Variants in CTNNA2 observed in about 807,000 individuals in gnomAD.
CTNNA2 encodes catenin alpha 2.
Under a neutral mutation model 101.0 loss-of-function variants are expected in CTNNA2, and 42 were observed. The ratio of observed to expected loss-of-function variants is 0.42; its 90% CI spans 0.32 to 0.54. The LOEUF is 0.54. CTNNA2 is among the 20% of genes least tolerant of loss of function. The pLI is 0.14. For missense variants in CTNNA2, 871 were observed against 1,223.1 expected, an observed-to-expected ratio of 0.71 and a Z score of 4.29; for synonymous variants, 450 against 456.4, an observed-to-expected ratio of 0.99 and a Z score of 0.18.
intron 9 of CTNNA2, among the ~76,000 whole-genome samples, chr2:80,426,143 C>A (rs1467218306): frequency 6.6e-6 from 1 of 152,078 alleles, no homozygotes; most frequent in East Asian, 1.9e-4. Flanking sequence ...TAGCTAAGGA[C>A]TTCAGGGTGG....
chr2:79,870,038 C>T, intron 5 of CTNNA2, 103 bp downstream of exon 5: 1 of 1,413,652 alleles, frequency 7.1e-7, no homozygotes, highest in Non-Finnish European at 9.6e-7. Flanking sequence ...TGCTTGCTAT[C>T]AAATGCCCTA....
intron 3 of CTNNA2, among the ~76,000 whole-genome samples, chr2:79,324,210 A>G (rs528340684): frequency 6.6e-6 from 1 of 152,316 alleles, no homozygotes; most frequent in Non-Finnish European, 1.5e-5. Flanking sequence ...TGAATGAGAG[A>G]AGGCTGCCAG....
intron 7 of CTNNA2, among the ~76,000 whole-genome samples, chr2:80,270,860 T>G (rs1673405692): frequency 6.6e-6 from 1 of 152,202 alleles, no homozygotes; most frequent in Non-Finnish European, 1.5e-5. Context: ...TATTTAATAA[T>G]TAAATGCTAG....
intron 3 of CTNNA2, among the ~76,000 whole-genome samples, chr2:79,360,927 G>A (rs1677613418): frequency 6.6e-6 from 1 of 152,020 alleles, no homozygotes. Flanking sequence ...CTATATGAAT[G>A]TATAGATGTT....
chr2:79,663,571 C>G (rs1558815115), intron 2 of CTNNA2, among the ~76,000 whole-genome samples: 1 of 152,154 alleles, frequency 6.6e-6, no homozygotes, highest in Non-Finnish European at 1.5e-5. Flanking sequence ...GTGACTGGCT[C>G]CCTTACATCT....
Position 79,534,989 on chromosome 2 carries a change from T to C in CTNNA2, c.-6+21782T>C, listed in dbSNP as rs564375561. Among the ~76,000 whole-genome samples, 10 of 151,590 alleles carry C rather than the reference T, an allele frequency of 6.6e-5. No individual in the cohort carries two copies. The South Asian group carries it at 2.1e-3, about 32-fold the overall frequency. On this transcript the variant is annotated intron_variant, in intron 1 of 18. Coordinates refer to ENST00000402739, the MANE Select transcript of CTNNA2 (RefSeq NM_001282597.3). ...TGAGTAGGGAAGGCCTTTCCAAGCA[T>C]AAAAAGGAAGAAATTTAAAAGTAAA...
At chr2:80,109,727 C>T (rs1021690811) in intron 7 of CTNNA2, among the ~76,000 whole-genome samples, 1 of 152,064 alleles carries the variant, frequency 6.6e-6, no homozygotes, top group Non-Finnish European at 1.5e-5. Context: ...ATCAAATTAC[C>T]CAATATGGGA....
intron 2 of CTNNA2, among the ~76,000 whole-genome samples, chr2:79,724,568 T>C (rs11887193): frequency 0.03 from 4,526 of 151,802 alleles, 219 homozygotes; most frequent in African/African-American, 0.099. Flanking sequence ...GTAACCCCAG[T>C]ACTTTGGGAG....
intron 1 of CTNNA2, among the ~76,000 whole-genome samples, chr2:79,576,006 T>C (rs1378850028): frequency 6.6e-6 from 1 of 152,216 alleles, no homozygotes; most frequent in Non-Finnish European, 1.5e-5. Flanking sequence ...AGTGACTGGC[T>C]CTTAGGTATC....
At chr2:80,113,355 G>C (rs1316266910) in intron 7 of CTNNA2, among the ~76,000 whole-genome samples, 2 of 152,222 alleles carry the variant, frequency 1.3e-5, no homozygotes, top group African/African-American at 2.4e-5. Flanking sequence ...ATTGAGGACA[G>C]AGCAGTACAG....
chr2:79,402,803 A>G (rs961595881), intron 4 of CTNNA2, among the ~76,000 whole-genome samples: 1 of 151,806 alleles, frequency 6.6e-6, no homozygotes, highest in Non-Finnish European at 1.5e-5. Flanking sequence ...TCTCATCAAA[A>G]ATAAAATTAG....
chr2:80,161,399 C>A (rs1704310741), intron 7 of CTNNA2, among the ~76,000 whole-genome samples: 1 of 151,892 alleles, frequency 6.6e-6, no homozygotes, highest in East Asian at 1.9e-4. Flanking sequence ...TAAAAAGGAT[C>A]CTTATTTTTC....
At chr2:79,996,954 G>A (rs1264276767) in intron 7 of CTNNA2, among the ~76,000 whole-genome samples, 3 of 152,148 alleles carry the variant, frequency 2.0e-5, no homozygotes, top group Non-Finnish European at 4.4e-5. Context: ...AGAAAAGGTG[G>A]TGTGGAACTG....
intron 7 of CTNNA2, among the ~76,000 whole-genome samples, chr2:80,277,931 C>T (rs974442259): frequency 6.6e-6 from 1 of 152,076 alleles, no homozygotes; most frequent in Admixed American, 6.5e-5. Flanking sequence ...CCGGGTTAAG[C>T]CAACCTAATT....
At chr2:79,580,660 T>C (rs1676093569) in intron 1 of CTNNA2, among the ~76,000 whole-genome samples, 1 of 152,206 alleles carries the variant, frequency 6.6e-6, no homozygotes, top group African/African-American at 2.4e-5. Flanking sequence ...TATAATTATT[T>C]TTCTTTTTAA....
At chr2:80,533,275 G>A (rs2149599467) in intron 9 of CTNNA2, among the ~76,000 whole-genome samples, 1 of 152,224 alleles carries the variant, frequency 6.6e-6, no homozygotes, top group East Asian at 1.9e-4. Context: ...AGCAACACGT[G>A]GATTTTGAAT....
At chr2:80,447,175 T>C (rs545693982) in intron 9 of CTNNA2, among the ~76,000 whole-genome samples, 1 of 152,280 alleles carries the variant, frequency 6.6e-6, no homozygotes, top group Admixed American at 6.5e-5. Context: ...AGGGAATGAT[T>C]AGTAGTCCAG....
At chr2:79,897,479 A>G (rs1263895378) in intron 6 of CTNNA2, among the ~76,000 whole-genome samples, 4 of 152,356 alleles carry the variant, frequency 2.6e-5, no homozygotes, top group East Asian at 3.9e-4. Flanking sequence ...TTTAATATCT[A>G]TAACTCACTA....
At chr2:80,061,971 A>G (rs1015499043) in intron 7 of CTNNA2, among the ~76,000 whole-genome samples, 1 of 152,214 alleles carries the variant, frequency 6.6e-6, no homozygotes, top group African/African-American at 2.4e-5. Flanking sequence ...ATCCCAATTA[A>G]CATTTCCTGA....
Sources: gnomAD v4.1 joint callset for allele counts (sites outside exome capture counted in the v4.1 genomes callset) on GRCh38, gnomAD v4.1.1 for gene constraint, MANE v1.5 for transcripts, NCBI Gene and HGNC (gene_info 2026-07-23, HGNC 2026-07-21) for gene names.